The following PCDH9 variants were observed in gnomAD, a reference collection of about 807,000 sequenced individuals.
The protein encoded by PCDH9 is protocadherin-9.
A neutral mutation model predicts 70.6 loss-of-function variants in PCDH9; 24 were observed. The ratio of observed to expected loss-of-function variants is 0.34; its 90% CI spans 0.25 to 0.48. The LOEUF is 0.48. PCDH9 is among the 20% of genes least tolerant of loss of function. The probability of loss-of-function intolerance (pLI) is 0.99; values close to 1 mark genes in which losing one functional copy is unlikely to be tolerated. For synonymous variants in PCDH9, 562 were observed against 558.5 expected (o/e 1.01, Z -0.09); for missense variants, 1,281 against 1,503.6 (o/e 0.85, Z 2.45).
intron 4 of PCDH9, among the ~76,000 whole-genome samples, chr13:66,329,726 G>T (rs1955906149): frequency 6.6e-6 from 1 of 152,144 alleles, no homozygotes; most frequent in Non-Finnish European, 1.5e-5. Flanking sequence ...GTGCTTGTGT[G>T]TCTCCATGTG....
intron 3 of PCDH9, among the ~76,000 whole-genome samples, chr13:66,796,719 T>C (rs1311725687): frequency 6.6e-6 from 1 of 152,096 alleles, no homozygotes; most frequent in East Asian, 1.9e-4. Flanking sequence ...GTGAATAAAA[T>C]AGTTCTTGCC....
intron 4 of PCDH9, among the ~76,000 whole-genome samples, chr13:66,349,930 C>A (rs933479871): frequency 2.0e-5 from 3 of 152,152 alleles, no homozygotes; most frequent in African/African-American, 7.2e-5. Context: ...CTAATTTTCT[C>A]ATATTGCTCA....
intron 3 of PCDH9, among the ~76,000 whole-genome samples, chr13:66,681,064 T>C (rs926406446): frequency 1.3e-5 from 2 of 152,016 alleles, no homozygotes; most frequent in Non-Finnish European, 2.9e-5. Context: ...ACTACTTCAT[T>C]CACTTCAGAA....
At chr13:67,020,659 A>G (rs2084657349) in intron 2 of PCDH9, among the ~76,000 whole-genome samples, 2 of 152,234 alleles carry the variant, frequency 1.3e-5, no homozygotes, top group Non-Finnish European at 2.9e-5. Context: ...CGGGGAAAAA[A>G]TGCCATGTAG....
At chr13:66,516,745 T>A (rs544159916) in intron 4 of PCDH9, among the ~76,000 whole-genome samples, 2 of 152,156 alleles carry the variant, frequency 1.3e-5, no homozygotes, top group South Asian at 4.1e-4. Context: ...TCACTCTCTC[T>A]TTCTCTCTGT....
In PCDH9 at chr13:66,305,694, G is replaced by A. The variant is rs562160408; in HGVS notation, c.3341-666C>T. Among the ~76,000 whole-genome samples, 5 of 152,134 alleles carry A rather than the reference G, an allele frequency of 3.3e-5. No individual in the cohort carries two copies. The South Asian group carries it at 1.0e-3, about 32-fold the overall frequency. ...CAGCTGCAAACATTCTGAAATCCAA[G>A]TAAAGAAGAAGCCATTTGAATCCAG... On this transcript the variant is annotated intron_variant, in intron 4 of 4. Coordinates refer to ENST00000377865, the MANE Select transcript of PCDH9 (RefSeq NM_203487.3).
At chr13:66,459,605 A>G (rs1335621121) in intron 4 of PCDH9, among the ~76,000 whole-genome samples, 1 of 151,984 alleles carries the variant, frequency 6.6e-6, no homozygotes, top group Non-Finnish European at 1.5e-5. Flanking sequence ...AAAAGGAGAA[A>G]AACTTGTTCT....
chr13:66,590,683 T>C (rs746338138), intron 4 of PCDH9, among the ~76,000 whole-genome samples: 20 of 151,858 alleles, frequency 1.3e-4, no homozygotes, highest in Non-Finnish European at 2.4e-4. Flanking sequence ...ATTGCACAGG[T>C]ATAGTATAGG....
At chr13:66,974,491 A>T (rs972951798) in intron 2 of PCDH9, among the ~76,000 whole-genome samples, 3 of 152,018 alleles carry the variant, frequency 2.0e-5, no homozygotes, top group Admixed American at 2.0e-4. Context: ...GAAAAGAAGT[A>T]GGGAAGTGGG....
At chr13:66,421,718 G>A (rs1476811023) in intron 4 of PCDH9, among the ~76,000 whole-genome samples, 2 of 152,234 alleles carry the variant, frequency 1.3e-5, no homozygotes, top group East Asian at 1.9e-4. Context: ...AAAATAAAAT[G>A]TAAAGACCAT....
intron 2 of PCDH9, among the ~76,000 whole-genome samples, chr13:67,076,737 T>C (rs1362445437): frequency 6.6e-6 from 1 of 152,142 alleles, no homozygotes; most frequent in East Asian, 1.9e-4. Flanking sequence ...AAACGAGCTA[T>C]TTTTCTGAAG....
chr13:67,220,394 G>A (rs2089698713), intron 2 of PCDH9: 2 of 151,814 alleles, frequency 1.3e-5, no homozygotes, highest in Admixed American at 1.3e-4. Context: ...AGTTAATTAT[G>A]AGAAAATTTG....
chr13:66,516,652 T>C (rs192651009), intron 4 of PCDH9, among the ~76,000 whole-genome samples: 119 of 152,154 alleles, frequency 7.8e-4, no homozygotes, highest in Non-Finnish European at 1.4e-3. Context: ...ATCTTGTCTT[T>C]AGGCATTTGT....
chr13:66,664,454 T>A (rs900773670), intron 3 of PCDH9, among the ~76,000 whole-genome samples: 10 of 151,480 alleles, frequency 6.6e-5, no homozygotes, highest in African/African-American at 2.4e-4. Flanking sequence ...TTTTTTTTTT[T>A]AAACAAAGAT....
intron 2 of PCDH9, among the ~76,000 whole-genome samples, chr13:66,995,297 C>A (rs1448614755): frequency 1.3e-5 from 2 of 152,066 alleles, no homozygotes; most frequent in Non-Finnish European, 2.9e-5. Flanking sequence ...ACGGTAAATA[C>A]AAAAGGCAAA....
intron 4 of PCDH9, among the ~76,000 whole-genome samples, chr13:66,467,451 T>C (rs1211354754): frequency 6.6e-6 from 1 of 152,032 alleles, no homozygotes; most frequent in African/African-American, 2.4e-5. Context: ...ATACTTTCTT[T>C]CTCGACTTCA....
intron 2 of PCDH9, among the ~76,000 whole-genome samples, chr13:67,029,994 T>G (rs531771742): frequency 1.3e-5 from 2 of 152,192 alleles, no homozygotes; most frequent in African/African-American, 2.4e-5. Context: ...GTTATGTGAC[T>G]TCATTATCAG....
intron 2 of PCDH9, among the ~76,000 whole-genome samples, chr13:67,012,084 C>T (rs1566361852): frequency 6.6e-6 from 1 of 151,794 alleles, no homozygotes; most frequent in Non-Finnish European, 1.5e-5. Flanking sequence ...TCCTGCCTTC[C>T]TTCCTTTCTT....
chr13:67,056,461 A>G (rs2085422579), intron 2 of PCDH9, among the ~76,000 whole-genome samples: 1 of 152,200 alleles, frequency 6.6e-6, no homozygotes, highest in Non-Finnish European at 1.5e-5. Flanking sequence ...AATATTACAG[A>G]TGATAAAGAA....
Sources: allele counts gnomAD v4.1 joint callset (sites outside exome capture counted in the v4.1 genomes callset), GRCh38; gene constraint gnomAD v4.1.1; transcripts MANE v1.5; gene names NCBI Gene and HGNC (gene_info 2026-07-23, HGNC 2026-07-21).